Variants in KDELR2 observed in about 807,000 individuals in gnomAD.
The protein encoded by KDELR2 is KDEL endoplasmic reticulum protein retention receptor 2, also known as ER lumen protein-retaining receptor 2.
A neutral mutation model predicts 23.9 loss-of-function variants in KDELR2; 15 were observed. The ratio of observed to expected loss-of-function variants is 0.63; its 90% CI spans 0.42 to 0.97. The LOEUF is 0.97. KDELR2 is among the 50% of genes least tolerant of loss of function. The pLI, the probability that KDELR2 is intolerant of heterozygous loss-of-function variation, is 0.00. For synonymous variants in KDELR2, 119 were observed against 106.2 expected (o/e 1.12, Z -0.74); for missense variants, 272 against 254.6 (o/e 1.07, Z -0.46).
chr7:6,464,618 G>A (rs1785460997), intron 4 of KDELR2, among the ~76,000 whole-genome samples: 1 of 152,106 alleles, frequency 6.6e-6, no homozygotes, highest in South Asian at 2.1e-4. Context: ...CTTGAACTTG[G>A]GAGGCAGAGG....
intron 4 of KDELR2, among the ~76,000 whole-genome samples, chr7:6,464,851 T>G (rs962875997): frequency 6.7e-6 from 1 of 150,354 alleles, no homozygotes; most frequent in Non-Finnish European, 1.5e-5. Flanking sequence ...TTTTCCTGCC[T>G]CAGCCCCCCA....
chr7:6,463,278 C>A (rs1785426936), intron 4 of KDELR2, 103 bp from the exon 5 acceptor site: 3 of 860,896 alleles, frequency 3.5e-6, no homozygotes, highest in African/African-American at 3.4e-5. Context: ...CAAGATTCTA[C>A]ATAGTAAGGT....
chr7:6,464,871 G>C (rs955673094), intron 4 of KDELR2, among the ~76,000 whole-genome samples: 2 of 151,714 alleles, frequency 1.3e-5, no homozygotes, highest in Non-Finnish European at 2.9e-5. Context: ...AAGTAGCTGG[G>C]ATTACAGGCC....
chr7:6,464,505 C>G (rs1017081130), intron 4 of KDELR2, among the ~76,000 whole-genome samples: 2 of 151,856 alleles, frequency 1.3e-5, no homozygotes, highest in African/African-American at 4.8e-5. Flanking sequence ...TGTGACAGAG[C>G]AAGACTCAGT....
At position 6,466,118 on chromosome 7, in the gene KDELR2, A is replaced by G. The variant is rs1785497467; in HGVS notation, c.557T>C (p.Val186Ala). ...FDLIAVVAGV[V>A]QTILYCDFFY... is the part of the protein sequence containing the mutation. ...GAAGTCACAGTATAGGATGGTCTGG[A>G]CTACGCCGGCCACCACAGCAATGAG... The change falls in exon 4 of 5, where the codon GTC (valine) becomes GCC (alanine). Residue 186 changes from valine to alanine, a missense_variant. Coordinates refer to ENST00000258739, the MANE Select transcript of KDELR2 (RefSeq NM_006854.4). 1 of 1,614,150 alleles carries G rather than the reference A, an allele frequency of 6.2e-7. No homozygotes were observed. Among genetic ancestry groups the G allele is most frequent in the East Asian group, 2.2e-5 (1 of 44,886 alleles).
rs1785393356 is a variant in KDELR2 at position 6,461,773 on chromosome 7, C to T, written c.*1368G>A. On this transcript the variant is annotated 3_prime_UTR_variant, in exon 5 of 5. Transcript: ENST00000258739. Reference sequence around the variant, plus strand: ...TAGTCAGCACTGTTAGTATTCAACACTTTAATATTTATGGTGTATCACATA... The same window carrying T: ...TAGTCAGCACTGTTAGTATTCAACATTTTAATATTTATGGTGTATCACATA... 6.6e-6 allele frequency: 1 copy of T among 151,818 alleles called. No individual in the cohort carries two copies. The highest frequency in any genetic ancestry group is 1.9e-4 in the East Asian group (1 of 5,190). 9.4% of individuals were successfully genotyped at this position (151,818 alleles called of 1,614,324 possible).
chr7:6,471,832 G>C (rs976636289), intron 2 of KDELR2, among the ~76,000 whole-genome samples: 1 of 152,064 alleles, frequency 6.6e-6, no homozygotes, highest in South Asian at 2.1e-4. Context: ...TTGTGTGAAT[G>C]TAAGTTTTCA....
At chr7:6,474,564 G>A (rs1785716752) in intron 1 of KDELR2, among the ~76,000 whole-genome samples, 2 of 152,144 alleles carry the variant, frequency 1.3e-5, no homozygotes, top group South Asian at 2.1e-4. Flanking sequence ...TCATTCAAAC[G>A]AACCTTTTAC....
rs894753841 is a variant in KDELR2 at position 6,474,247 on chromosome 7, G to T, written c.129C>A (p.Val43=). The T allele has an allele frequency of 5.6e-6, 9 of 1,613,810 alleles. No individual in the cohort carries two copies. The Admixed American group carries it at 8.3e-5, about 15-fold the overall frequency. Residue 43 remains valine (V), a synonymous_variant, in exon 2 of 5, where the codon GTC becomes GTA. Coordinates refer to ENST00000258739, the MANE Select transcript of KDELR2 (RefSeq NM_006854.4). ...SGKSQLLFAL[V]FTTRYLDLFT... ...AAAGATCCAGGTAACGAGTTGTGAA[G>T]ACCAGTGCAAACAGAAGCTGGCTTT... is the stretch of plus-strand genomic sequence containing the variant.
chr7:6,464,055 G>T (rs1410739296), intron 4 of KDELR2, among the ~76,000 whole-genome samples: 1 of 151,086 alleles, frequency 6.6e-6, no homozygotes, highest in African/African-American at 2.4e-5. Flanking sequence ...AAATTAGCTG[G>T]GCGTGGTGGT....
At chr7:6,479,952 G>GTAC (rs1785852810) in intron 1 of KDELR2, among the ~76,000 whole-genome samples, 1 of 152,188 alleles carries the variant, frequency 6.6e-6, no homozygotes, top group Non-Finnish European at 1.5e-5. Flanking sequence ...GCTTCTTGGA[G>GTAC]TACTCCACAT....
intron 1 of KDELR2, among the ~76,000 whole-genome samples, chr7:6,480,924 C>G (rs1037715713): frequency 6.6e-6 from 1 of 152,156 alleles, no homozygotes; most frequent in African/African-American, 2.4e-5. Flanking sequence ...AGTCTGAGAA[C>G]AAGAACAATT....
intron 4 of KDELR2, among the ~76,000 whole-genome samples, chr7:6,463,533 C>G (rs944042153): frequency 6.6e-6 from 1 of 151,790 alleles, no homozygotes; most frequent in African/African-American, 2.4e-5. Flanking sequence ...GAGTTCAAGA[C>G]CAGCCTGGGC....
intron 2 of KDELR2, among the ~76,000 whole-genome samples, chr7:6,472,322 T>A (rs1247347272): frequency 1.3e-5 from 2 of 152,108 alleles, no homozygotes. Flanking sequence ...TAGCAGCACC[T>A]GGAGAAGAAC....
At chr7:6,465,426 G>A (rs1053306898) in intron 4 of KDELR2, among the ~76,000 whole-genome samples, 8 of 150,386 alleles carry the variant, frequency 5.3e-5, no homozygotes, top group African/African-American at 2.0e-4. Context: ...CTCATGATCC[G>A]CCCGCCTCGG....
chr7:6,475,960 G>T (rs870433), intron 1 of KDELR2, among the ~76,000 whole-genome samples: 122,885 of 152,122 alleles, frequency 0.81, 50,077 homozygotes, highest in African/African-American at 0.83. Context: ...TGCCCAGGCT[G>T]GAGTGCGGTG....
intron 1 of KDELR2, among the ~76,000 whole-genome samples, chr7:6,483,225 C>T (rs948418952): frequency 6.6e-6 from 1 of 152,108 alleles, no homozygotes; most frequent in Non-Finnish European, 1.5e-5. Flanking sequence ...CCCCGGGCGC[C>T]GCAGTTTTAA....
chr7:6,482,477 A>G, intron 1 of KDELR2: 2 of 425,644 alleles, frequency 4.7e-6, no homozygotes, highest in Non-Finnish European at 9.9e-6. Context: ...ATAACCTCCA[A>G]GTCAAACACA....
At chr7:6,471,408 G>T (rs1583318038) in intron 2 of KDELR2, among the ~76,000 whole-genome samples, 1 of 152,002 alleles carries the variant, frequency 6.6e-6, no homozygotes, top group Non-Finnish European at 1.5e-5. Flanking sequence ...TCGAACTCTT[G>T]ACCTCAGGTG....
Sources: gnomAD v4.1 joint callset for allele counts (sites outside exome capture counted in the v4.1 genomes callset) on GRCh38, gnomAD v4.1.1 for gene constraint, MANE v1.5 for transcripts, NCBI Gene and HGNC (gene_info 2026-07-23, HGNC 2026-07-21) for gene names.